Variants in PYGO2 observed in about 807,000 individuals in gnomAD.
The protein encoded by PYGO2 is pygopus family PHD finger 2.
Under a neutral mutation model 26.7 loss-of-function variants are expected in PYGO2, and 9 were observed. The ratio of observed to expected loss-of-function variants is 0.34; its 90% CI spans 0.20 to 0.59. The LOEUF (loss-of-function observed/expected upper bound fraction) is 0.59. Ranked by LOEUF, PYGO2 falls within the 20% of genes least tolerant of loss-of-function variation. The probability of loss-of-function intolerance (pLI) is 0.84; values close to 1 mark genes in which losing one functional copy is unlikely to be tolerated. For synonymous variants in PYGO2, 236 were observed against 219.0 expected, an observed-to-expected ratio of 1.08 and a Z score of -0.68; for missense variants, 538 against 561.5, an observed-to-expected ratio of 0.96 and a Z score of 0.42.
At position 154,959,108 on chromosome 1, in the gene PYGO2, G is replaced by T. The variant is rs757615029; in HGVS notation, c.892C>A (p.Arg298=). Residue 298 remains arginine (R), a synonymous_variant, in exon 3 of 3, where the codon CGG becomes AGG. Transcript: ENST00000368457. The surrounding 1 kb of genome is among the most constrained non-coding windows in gnomAD (Gnocchi z 4.7). ...QPSFPPNSSG[R]GGGTPDANSL... ...TTGGCATCTGGAGTGCCCCCACCCCGCCCACTGCTGTTCGGGGGGAAACTG... is the reference window on the plus strand; with the variant it reads ...TTGGCATCTGGAGTGCCCCCACCCCTCCCACTGCTGTTCGGGGGGAAACTG... 16 of 1,607,062 alleles carry T rather than the reference G, an allele frequency of 1.0e-5. No individual in the cohort carries two copies. Among genetic ancestry groups the T allele is most frequent in the Non-Finnish European group, 1.3e-5 (15 of 1,175,962 alleles).
Position 154,959,746 on chromosome 1 carries a change from G to A in PYGO2, c.254C>T (p.Pro85Leu). 15 of 1,400,066 alleles carry A rather than the reference G, an allele frequency of 1.1e-5. No individual in the cohort carries two copies. Among genetic ancestry groups the A allele is most frequent in the Non-Finnish European group, 1.4e-5 (15 of 1,067,826 alleles). The allele number at this position is 1,400,066 out of a possible 1,614,324, so 86.7% of individuals were successfully genotyped here. A position where few individuals can be genotyped will look rare whatever the true frequency, so the allele number is the denominator to read the frequency against. ...TGGAGGGGCTGCAACCCCCACTTTGGGGGCTCCGAAGTCATCTTCAAAAGG... is the reference window on the plus strand; with the variant it reads ...TGGAGGGGCTGCAACCCCCACTTTGAGGGCTCCGAAGTCATCTTCAAAAGG... ...SNPFEDDFGA[P>L]KVGVAAPPFL... Residue 85 changes from proline to leucine, a missense_variant, in exon 3 of 3, where the codon CCC (proline) becomes CTC (leucine). Physicochemically the swap from Pro to Leu is moderately conservative, Grantham distance 98. Transcript: ENST00000368457. This position sits in a 1 kb window ranked among gnomAD's most constrained non-coding sequence, Gnocchi z 4.7.
In PYGO2 at chr1:154,958,758, C is replaced by T. The variant is rs1415078647; in HGVS notation, c.*21G>A. 3 of 1,600,958 alleles carry T rather than the reference C, an allele frequency of 1.9e-6. No individual in the cohort carries two copies. The highest frequency in any genetic ancestry group is 2.6e-6 in the Non-Finnish European group (3 of 1,169,590). On this transcript the variant is annotated 3_prime_UTR_variant, in exon 3 of 3. Transcript: ENST00000368457. ...AGAGCAGGGAGAGACATGTGCACTT[C>T]CCTGGGCCACTTCACCAGCGTCACC... is the stretch of plus-strand genomic sequence containing the variant.
rs1655276745 is a variant in PYGO2, at chr1:154,959,595, G to T, written c.405C>A (p.Pro135=). 9.1e-6 allele frequency: 13 copies of T among 1,436,036 alleles called. No individual in the cohort carries two copies. The highest frequency in any genetic ancestry group is 2.6e-5 in the East Asian group (1 of 39,170). The allele number at this position is 1,436,036 out of a possible 1,614,324, so 89.0% of individuals were successfully genotyped here. ...CAGGGCCCATAGGATTGGGAGGGAA[G>T]GGGGGTGGCTGTCGACGGAGTGGCT... ...GPQPLRRQPP[P]FPPNPMGPAF... Residue 135 remains proline, a synonymous_variant, in exon 3 of 3, where the codon CCC becomes CCA. Coordinates refer to ENST00000368457, the MANE Select transcript of PYGO2 (RefSeq NM_138300.4). The surrounding 1 kb of genome is among the most constrained non-coding windows in gnomAD (Gnocchi z 4.7).
At position 154,960,943 on chromosome 1, in the gene PYGO2, C is replaced by T. The variant is rs369853026; in HGVS notation, c.153+34G>A. On this transcript the variant is annotated intron_variant, in intron 2 of 2. Coordinates refer to ENST00000368457, the MANE Select transcript of PYGO2 (RefSeq NM_138300.4). ...TAGACAGTGTGCCGCCAAGGGGCTG[C>T]TGGGAACCAAACCCACCACCAACCA... The T allele has an allele frequency of 2.9e-4, 467 of 1,608,906 alleles. 1 individual carries two copies. The highest frequency in any genetic ancestry group is 3.8e-4 in the Non-Finnish European group (446 of 1,175,372).
At position 154,961,752 on chromosome 1, in the gene PYGO2, C is replaced by T. The variant is rs1035339012; in HGVS notation, c.-176G>A. ...AAACTGCGCGCTCTCTCCAGACTCG[C>T]CGCCCGCCAGCGGCGGCAGCAACCG... is the stretch of plus-strand genomic sequence containing the variant. On this transcript the variant is annotated 5_prime_UTR_variant, in exon 1 of 3. Coordinates refer to ENST00000368457, the MANE Select transcript of PYGO2 (RefSeq NM_138300.4). 12 of 405,430 alleles carry T rather than the reference C, an allele frequency of 3.0e-5. No individual in the cohort carries two copies. In the East Asian group the frequency reaches 4.0e-4, roughly 13 times the overall value. 25.1% of individuals were successfully genotyped at this position (405,430 alleles called of 1,614,324 possible). A position where few individuals can be genotyped will look rare whatever the true frequency, so the allele number is the denominator to read the frequency against.
rs1220297656 is a variant in PYGO2 at position 154,959,563 on chromosome 1, T to G, written c.437A>C (p.Asn146Thr). ...GTAGCCAGGACCCTGGGGGGGCATG[T>G]TGAAAGCAGGGCCCATAGGATTGGG... ...FPPNPMGPAFNMPPQGPGYPP... is the reference protein window; with the variant it reads ...FPPNPMGPAFTMPPQGPGYPP... Residue 146 changes from asparagine to threonine, a missense_variant, in exon 3 of 3, where the codon AAC (asparagine) becomes ACC (threonine). By Grantham distance (65) the Asn-to-Thr change is moderately conservative. Around this residue, in one of 4 missense-constraint regions of PYGO2, gnomAD observed 381 missense variants for 336.6 expected, o/e 1.13. Coordinates refer to ENST00000368457, the MANE Select transcript of PYGO2 (RefSeq NM_138300.4). The surrounding 1 kb of genome is among the most constrained non-coding windows in gnomAD (Gnocchi z 4.7). The G allele has an allele frequency of 6.8e-7, 1 of 1,461,156 alleles. No homozygotes were observed. The highest frequency in any genetic ancestry group is 9.1e-7 in the Non-Finnish European group (1 of 1,103,340). The allele number at this position is 1,461,156 out of a possible 1,614,324, so 90.5% of individuals were successfully genotyped here.
rs561046634 is a variant in PYGO2 at position 154,957,971 on chromosome 1, G to T, written c.*808C>A. Reference sequence around the variant, plus strand: ...GGTACCACCAAAGTCCAGACTTTCAGGACAGCCCAAACTTCAAATATTCTG... The same window carrying T: ...GGTACCACCAAAGTCCAGACTTTCATGACAGCCCAAACTTCAAATATTCTG... On this transcript the variant is annotated 3_prime_UTR_variant, in exon 3 of 3. Coordinates refer to ENST00000368457, the MANE Select transcript of PYGO2 (RefSeq NM_138300.4). The T allele has an allele frequency of 3.9e-5, 6 of 152,872 alleles. 1 individual carries two copies. The highest frequency in any genetic ancestry group is 3.4e-3 in the Middle Eastern group (1 of 294). The allele number at this position is 152,872 out of a possible 1,614,324, so 9.5% of individuals were successfully genotyped here. A position where few individuals can be genotyped will look rare whatever the true frequency, so the allele number is the denominator to read the frequency against.
rs373498619 is a variant in PYGO2, at chr1:154,958,934, G to A, written c.1066C>T (p.Arg356Cys). The A allele has an allele frequency of 3.1e-6, 5 of 1,613,944 alleles. No homozygotes were observed. The highest frequency in any genetic ancestry group is 2.2e-5 in the East Asian group (1 of 44,902). ...CEASCQKWFH[R>C]ECTGMTESAY... ...CTCTCAGTCATGCCTGTGCACTCAC[G>A]GTGGAACCATTTCTGGCAGGAGGCC... The change falls in exon 3 of 3, where the codon CGT becomes TGT. Residue 356 changes from arginine (R) to cysteine (C), a missense_variant. Coordinates refer to ENST00000368457, the MANE Select transcript of PYGO2 (RefSeq NM_138300.4).
chr1:154,959,220 C>A lies in PYGO2; in HGVS notation c.780G>T (p.Gly260=), dbSNP rs1290246326. The change falls in exon 3 of 3, where the codon GGG becomes GGT. Residue 260 remains glycine, a synonymous_variant. Transcript: ENST00000368457. This position sits in a 1 kb window ranked among gnomAD's most constrained non-coding sequence, Gnocchi z 4.7. ...GFPGPGGEDG[G]KPLNPPASTA... is the part of the protein sequence containing the mutation. ...TAGAAGCAGGTGGATTCAAGGGCTT[C>A]CCCCCATCCTCACCACCAGGGCCAG... 6.4e-7 allele frequency: 1 copy of A among 1,567,264 alleles called. No homozygotes were observed. The highest frequency in any genetic ancestry group is 1.4e-5 in the African/African-American group (1 of 73,534).
chr1:154,958,601 G>A lies in PYGO2; in HGVS notation c.*178C>T, dbSNP rs1655248958. The A allele has an allele frequency of 3.3e-6, 2 of 603,472 alleles. No homozygotes were observed. The highest frequency in any genetic ancestry group is 5.8e-6 in the Non-Finnish European group (2 of 342,162). 37.4% of individuals were successfully genotyped at this position (603,472 alleles called of 1,614,324 possible). A position where few individuals can be genotyped will look rare whatever the true frequency, so the allele number is the denominator to read the frequency against. On this transcript the variant is annotated 3_prime_UTR_variant, in exon 3 of 3. Transcript: ENST00000368457. Reference sequence around the variant, plus strand: ...ACATGTAAGTTTCCCAAAACAGTGAGCAATCCAGGCTCTTCTGCCTGCCCA... The same window carrying A: ...ACATGTAAGTTTCCCAAAACAGTGAACAATCCAGGCTCTTCTGCCTGCCCA...
In PYGO2 at chr1:154,961,496, G is replaced by A. The variant is rs1176531953; in HGVS notation, c.81C>T (p.Thr27=). Residue 27 remains threonine, a synonymous_variant, in exon 1 of 3, where the codon ACC becomes ACT. Coordinates refer to ENST00000368457, the MANE Select transcript of PYGO2 (RefSeq NM_138300.4). ...GPAPPPAPPS[T]GRKQGKAGLQ... ...CACCGGCCTTGCCCTGCTTCCTCCCGGTGCTGGGCGGCGCAGGGGGCGGTG... is the reference window on the plus strand; with the variant it reads ...CACCGGCCTTGCCCTGCTTCCTCCCAGTGCTGGGCGGCGCAGGGGGCGGTG... 2.0e-6 allele frequency: 3 copies of A among 1,471,314 alleles called. No individual in the cohort carries two copies. The highest frequency in any genetic ancestry group is 2.5e-5 in the Admixed American group (1 of 40,286). The allele number at this position is 1,471,314 out of a possible 1,614,324, so 91.1% of individuals were successfully genotyped here.
rs1655248996 is a variant in PYGO2, at chr1:154,958,604, A to G, written c.*175T>C. On this transcript the variant is annotated 3_prime_UTR_variant, in exon 3 of 3. Transcript: ENST00000368457. ...TGTAAGTTTCCCAAAACAGTGAGCA[A>G]TCCAGGCTCTTCTGCCTGCCCACCT... The G allele has an allele frequency of 1.6e-6, 1 of 609,736 alleles. No homozygotes were observed. The allele number at this position is 609,736 out of a possible 1,614,324, so 37.8% of individuals were successfully genotyped here. A position where few individuals can be genotyped will look rare whatever the true frequency, so the allele number is the denominator to read the frequency against.
At chr1:154,961,279 T>C (rs1384949183) in intron 1 of PYGO2, among the ~76,000 whole-genome samples, 195 bp downstream of exon 1, 1 of 152,216 alleles carries the variant, frequency 6.6e-6, no homozygotes, top group Non-Finnish European at 1.5e-5. Context: ...CTGAATTCCA[T>C]GTGGCTCCAA....
At position 154,961,503 on chromosome 1, in the gene PYGO2, G is replaced by T. The variant is rs1655362332; in HGVS notation, c.74C>A (p.Pro25His). ...GGGPAPPPAPPSTGRKQGKAG... is the reference protein window; with the variant it reads ...GGGPAPPPAPHSTGRKQGKAG... ...CTTGCCCTGCTTCCTCCCGGTGCTG[G>T]GCGGCGCAGGGGGCGGTGCGGGGCC... Residue 25 changes from proline to histidine, a missense_variant, in exon 1 of 3, where the codon CCC becomes CAC. Physicochemically the swap from Pro to His is moderately conservative, Grantham distance 77. This residue lies in a region of PYGO2 where 79 missense variants were observed against 92.7 expected (regional missense o/e 0.85). Coordinates refer to ENST00000368457, the MANE Select transcript of PYGO2 (RefSeq NM_138300.4). The T allele has an allele frequency of 1.4e-6, 2 of 1,465,718 alleles. No homozygotes were observed. The allele number at this position is 1,465,718 out of a possible 1,614,324, so 90.8% of individuals were successfully genotyped here. A position where few individuals can be genotyped will look rare whatever the true frequency, so the allele number is the denominator to read the frequency against.
chr1:154,959,502 G>A lies in PYGO2; in HGVS notation c.498C>T (p.Pro166=). The change falls in exon 3 of 3, where the codon CCC becomes CCT. Residue 166 remains proline (P), a synonymous_variant. Coordinates refer to ENST00000368457, the MANE Select transcript of PYGO2 (RefSeq NM_138300.4). The surrounding 1 kb of genome is among the most constrained non-coding windows in gnomAD (Gnocchi z 4.7). ...AGTTTTGACCCAGAGGCTGGTTGAAGGGTTGGCTGGGAAAGTTCATGTTGC... is the reference window on the plus strand; with the variant it reads ...AGTTTTGACCCAGAGGCTGGTTGAAAGGTTGGCTGGGAAAGTTCATGTTGC... The part of the protein sequence containing the change: ...PPGNMNFPSQ[P]FNQPLGQNFS... The A allele has an allele frequency of 6.7e-7, 1 of 1,485,018 alleles. No homozygotes were observed. The highest frequency in any genetic ancestry group is 9.0e-7 in the Non-Finnish European group (1 of 1,116,626). 92.0% of individuals were successfully genotyped at this position (1,485,018 alleles called of 1,614,324 possible). A position where few individuals can be genotyped will look rare whatever the true frequency, so the allele number is the denominator to read the frequency against.
rs1244179762 is a variant in PYGO2, at chr1:154,958,987, T to C, written c.1013A>G (p.Asn338Ser). ...YPCGACRSEV[N>S]DDQDAILCEA... The stretch of plus-strand genomic sequence containing the variant: ...ACACAGAATGGCATCCTGGTCATCG[T>C]TCACCTCACTCCGACAGGCACCACA... The change falls in exon 3 of 3, where the codon AAC (asparagine) becomes AGC (serine). Residue 338 changes from asparagine to serine, a missense_variant. This residue lies in a region of PYGO2 where 72 missense variants were observed against 111.9 expected (regional missense o/e 0.64). Transcript: ENST00000368457. 1 of 1,613,984 alleles carries C rather than the reference T, an allele frequency of 6.2e-7. No homozygotes were observed. The highest frequency in any genetic ancestry group is 8.5e-7 in the Non-Finnish European group (1 of 1,180,032).
Position 154,961,027 on chromosome 1 carries a change from C to A in PYGO2, c.104-1G>T. 1 of 1,611,132 alleles carries A rather than the reference C, an allele frequency of 6.2e-7. No individual in the cohort carries two copies. The highest frequency in any genetic ancestry group is 8.5e-7 in the Non-Finnish European group (1 of 1,178,870). On this transcript the variant is annotated splice_acceptor_variant, in intron 1 of 2. Transcript: ENST00000368457. LOFTEE classifies it high-confidence loss of function. ...TTTTCTGGACTCTTCATTTGCAGAC[C>A]TGGAAGAGCGGCAAAAGGAAGACGC...
chr1:154,961,287 CA>C (rs748467298), intron 1 of PYGO2, among the ~76,000 whole-genome samples, 186 bp downstream of exon 1: 2 of 152,178 alleles, frequency 1.3e-5, no homozygotes, highest in Non-Finnish European at 2.9e-5. Context: ...CATGTGGCTC[CA>C]AACCCTAGAG....
rs1054616460 is a variant in PYGO2 at position 154,957,201 on chromosome 1, C to T, written c.*1578G>A. 2 of 152,404 alleles carry T rather than the reference C, an allele frequency of 1.3e-5. No homozygotes were observed. The highest frequency in any genetic ancestry group is 2.9e-5 in the Non-Finnish European group (2 of 68,194). The allele number at this position is 152,404 out of a possible 1,614,324, so 9.4% of individuals were successfully genotyped here. On this transcript the variant is annotated 3_prime_UTR_variant, in exon 3 of 3. Transcript: ENST00000368457. Reference sequence around the variant, plus strand: ...AAATGCGGAGCAGGGGAAGACAACACAAAAACAGCAACAGATAAATGGGGC... The same window carrying T: ...AAATGCGGAGCAGGGGAAGACAACATAAAAACAGCAACAGATAAATGGGGC...
Sources: allele counts gnomAD v4.1 joint callset (sites outside exome capture counted in the v4.1 genomes callset), GRCh38; gene constraint gnomAD v4.1.1; regional missense constraint gnomAD v4.1.1; non-coding constraint Gnocchi (gnomAD v3.1); transcripts MANE v1.5; gene names NCBI Gene and HGNC (gene_info 2026-07-23, HGNC 2026-07-21).